The following CACNA1B variants were observed in gnomAD, a reference collection of about 807,000 sequenced individuals.
CACNA1B encodes the protein calcium voltage-gated channel subunit alpha1 B, also known as voltage-dependent N-type calcium channel subunit alpha-1B.
Under a neutral mutation model 247.2 loss-of-function variants are expected in CACNA1B, and 70 were observed. The observed-to-expected ratio is 0.28, with a 90% confidence interval of 0.23 to 0.35. The LOEUF is 0.35. Ranked by LOEUF, CACNA1B falls within the 10% of genes least tolerant of loss-of-function variation. The probability of loss-of-function intolerance (pLI) is 1.00; values close to 1 mark genes in which losing one functional copy is unlikely to be tolerated. For missense variants in CACNA1B, 2,367 were observed against 3,197.4 expected (o/e 0.74, Z 6.26); for synonymous variants, 1,231 against 1,294.4 (o/e 0.95, Z 1.05).
At position 138,007,653 on chromosome 9, in the gene CACNA1B, G is replaced by C. The variant is rs1958669797; in HGVS notation, c.2092+769G>C. On this transcript the variant is annotated intron_variant, in intron 16 of 46. Transcript: ENST00000371372. The surrounding 1 kb of genome is among the most constrained non-coding windows in gnomAD (Gnocchi z 4.1). ...CTAGCCCAGGGTGTCAGAGGCAGTGGGGCTGGGCTGGGGCCTGAGAATGTG... is the reference window on the plus strand; with the variant it reads ...CTAGCCCAGGGTGTCAGAGGCAGTGCGGCTGGGCTGGGGCCTGAGAATGTG... Among the ~76,000 whole-genome samples, 1 of 152,178 alleles carries C rather than the reference G, an allele frequency of 6.6e-6. No individual in the cohort carries two copies. The highest frequency in any genetic ancestry group is 2.4e-5 in the African/African-American group (1 of 41,440).
At chr9:138,088,156 G>A (rs1325305517) in intron 36 of CACNA1B, among the ~76,000 whole-genome samples, 1 of 152,088 alleles carries the variant, frequency 6.6e-6, no homozygotes, top group Non-Finnish European at 1.5e-5. Flanking sequence ...ATCACTTGAG[G>A]TTAGGAGTTC....
In CACNA1B at chr9:137,954,447, G is replaced by GTCTCA. The variant is rs1957920237; in HGVS notation, c.1071-1251_1071-1250insTCTCA. ...GAGGACAGAAGCTCAGGGAGGGCTG[G>GTCTCA]CCCTGCTGCCGGCCACTGCGTGAGA... On this transcript the variant is annotated intron_variant, in intron 7 of 46. Transcript: ENST00000371372. The surrounding 1 kb of genome is among the most constrained non-coding windows in gnomAD (Gnocchi z 4.1). Among the ~76,000 whole-genome samples the GTCTCA allele has an allele frequency of 6.6e-6, 1 of 152,220 alleles. No individual in the cohort carries two copies. Among genetic ancestry groups the GTCTCA allele is most frequent in the South Asian group, 2.1e-4 (1 of 4,832 alleles).
Position 138,023,175 on chromosome 9 carries a change from C to T in CACNA1B, c.2432C>T (p.Thr811Met). 1 of 1,526,792 alleles carries T rather than the reference C, an allele frequency of 6.5e-7. No individual in the cohort carries two copies. The allele number at this position is 1,526,792 out of a possible 1,614,324, so 94.6% of individuals were successfully genotyped here. ...CGCCACCTGCGGCCCGACATGAAGA[C>T]GCACCTGGACCGGCCGCTGGTGGTG... ...TTRHLRPDMK[T>M]HLDRPLVVEL... Residue 811 changes from threonine (T) to methionine (M), a missense_variant, in exon 19 of 47, where the codon ACG becomes ATG. This residue lies in a region of CACNA1B where 631 missense variants were observed against 631.1 expected (regional missense o/e 1.00). Transcript: ENST00000371372.
intron 38 of CACNA1B, among the ~76,000 whole-genome samples, chr9:138,105,130 G>A (rs1215223466): frequency 6.6e-6 from 1 of 152,256 alleles, no homozygotes; most frequent in Non-Finnish European, 1.5e-5. Context: ...GTGACATCGA[G>A]CATCTCTCCC....
intron 6 of CACNA1B, among the ~76,000 whole-genome samples, chr9:137,934,733 T>C (rs1957645647): frequency 6.6e-6 from 1 of 152,124 alleles, no homozygotes; most frequent in Non-Finnish European, 1.5e-5. Flanking sequence ...CAACAATCAC[T>C]ATAGCTCAGC....
chr9:137,912,998 G>A (rs1339509125), intron 3 of CACNA1B, among the ~76,000 whole-genome samples, 182 bp from the exon 4 acceptor site: 1 of 148,824 alleles, frequency 6.7e-6, no homozygotes, highest in Non-Finnish European at 1.5e-5. Flanking sequence ...GCCGCTCTGT[G>A]CTGGCCCTGT....
At chr9:137,979,524 G>A (rs986424749) in intron 12 of CACNA1B, among the ~76,000 whole-genome samples, 16 of 152,224 alleles carry the variant, frequency 1.1e-4, no homozygotes, top group Middle Eastern at 3.4e-3. Context: ...TGACTGGGCC[G>A]GGGAGAGGAA....
At position 138,100,469 on chromosome 9, in the gene CACNA1B, T is replaced by C. The variant is rs1203120601; in HGVS notation, c.5223-2242T>C. 6.6e-6 allele frequency among the ~76,000 whole-genome samples: 1 copy of C among 152,270 alleles called. No homozygotes were observed. The highest frequency in any genetic ancestry group is 3.4e-3 in the Middle Eastern group (1 of 294). ...TGGTGGTCCCTTGGCTGCCACAACC[T>C]TAGCAAACATCTTTGGTGAGGCCGA... On this transcript the variant is annotated intron_variant, in intron 37 of 46. Transcript: ENST00000371372. This position sits in a 1 kb window ranked among gnomAD's most constrained non-coding sequence, Gnocchi z 4.6.
intron 31 of CACNA1B, among the ~76,000 whole-genome samples, chr9:138,064,132 A>C (rs1000630192): frequency 5.9e-5 from 9 of 152,134 alleles, no homozygotes; most frequent in Non-Finnish European, 1.3e-4. Flanking sequence ...GTTCCTTGGT[A>C]TCAATGTTAT....
In CACNA1B at chr9:138,123,560, ATGTG is replaced by A. The variant is rs5901129; in HGVS notation, c.*1587_*1590del. 0.077 allele frequency: 11,367 copies of A among 148,486 alleles called. 1,180 individuals are homozygous for A. Among genetic ancestry groups the A allele is most frequent in the African/African-American group, 0.23 (9,296 of 40,878 alleles). The allele number at this position is 148,486 out of a possible 1,614,324, so 9.2% of individuals were successfully genotyped here. On this transcript the variant is annotated 3_prime_UTR_variant, in exon 47 of 47. Transcript: ENST00000371372. ...ATTCTCCTCAAAGAAATTGTGTGTG[ATGTG>A]TGTGTGTGTGTGTGTGTGTGTGTGT...
rs1020509568 is a variant in CACNA1B, at chr9:138,121,233, T to A, written c.6490-236T>A. 3.9e-5 allele frequency among the ~76,000 whole-genome samples: 6 copies of A among 152,034 alleles called. No homozygotes were observed. The highest frequency in any genetic ancestry group is 7.4e-5 in the Non-Finnish European group (5 of 67,990). On this transcript the variant is annotated intron_variant, in intron 46 of 46. Transcript: ENST00000371372. The surrounding 1 kb of genome is among the most constrained non-coding windows in gnomAD (Gnocchi z 6.8). ...TCTGTCCTTTTCCCTGGCCCCAGCC[T>A]GTCCCTTCCCATCACCTGCTCTCCC...
chr9:138,060,023 A>G (rs1411277397), intron 31 of CACNA1B, among the ~76,000 whole-genome samples: 1 of 152,232 alleles, frequency 6.6e-6, no homozygotes, highest in African/African-American at 2.4e-5. Flanking sequence ...TGTGAATCTT[A>G]AATTTGTATC....
chr9:138,030,722 T>A (rs887768534), intron 20 of CACNA1B, among the ~76,000 whole-genome samples: 2 of 152,202 alleles, frequency 1.3e-5, no homozygotes, highest in African/African-American at 4.8e-5. Flanking sequence ...TTGGAATTTT[T>A]AAATTACAAA....
In CACNA1B at chr9:137,909,077, G is replaced by A. The variant is rs544472580; in HGVS notation, c.531-4103G>A. Among the ~76,000 whole-genome samples the A allele has an allele frequency of 3.4e-5, 5 of 147,490 alleles. No individual in the cohort carries two copies. In the East Asian group the frequency reaches 8.0e-4, roughly 24 times the overall value. ...GCAATCTCGGCTCACTGCAACCTCC[G>A]CCTCCTGGGTTCCAGCGATTCTCCC... On this transcript the variant is annotated intron_variant, in intron 3 of 46. Coordinates refer to ENST00000371372, the MANE Select transcript of CACNA1B (RefSeq NM_000718.4).
Position 137,990,455 on chromosome 9 carries a change from G to T in CACNA1B, c.1974+3601G>T, listed in dbSNP as rs1472987330. Among the ~76,000 whole-genome samples the T allele has an allele frequency of 1.3e-5, 2 of 152,084 alleles. No homozygotes were observed. The highest frequency in any genetic ancestry group is 4.8e-5 in the African/African-American group (2 of 41,392). ...CTGAGAAACCTGAATACTTAATTAG[G>T]CTACCTTAGGGCAAGTTTGCATCCT... On this transcript the variant is annotated intron_variant, in intron 15 of 46. Transcript: ENST00000371372. This position sits in a 1 kb window ranked among gnomAD's most constrained non-coding sequence, Gnocchi z 4.5.
intron 39 of CACNA1B, among the ~76,000 whole-genome samples, chr9:138,106,331 C>A (rs1351046593): frequency 1.3e-5 from 2 of 152,198 alleles, no homozygotes; most frequent in African/African-American, 4.8e-5. Context: ...GCCCCACCCC[C>A]CTGCGTCTGC....
intron 18 of CACNA1B, among the ~76,000 whole-genome samples, chr9:138,019,602 G>C (rs1353479688): frequency 6.6e-6 from 1 of 152,058 alleles, no homozygotes; most frequent in Non-Finnish European, 1.5e-5. Flanking sequence ...GAAGTGGCCA[G>C]GTGTCCTGTC....
intron 36 of CACNA1B, among the ~76,000 whole-genome samples, chr9:138,079,542 A>T (rs1370437129): frequency 6.6e-6 from 1 of 152,144 alleles, no homozygotes; most frequent in Admixed American, 6.5e-5. Flanking sequence ...CAGGAGCTCA[A>T]GACCAGCCTG....
chr9:138,002,242 A>G (rs1398427604), intron 15 of CACNA1B, among the ~76,000 whole-genome samples: 1 of 152,228 alleles, frequency 6.6e-6, no homozygotes, highest in Non-Finnish European at 1.5e-5. Context: ...TATGAGAAAG[A>G]TGTCATTGGA....
Sources: gnomAD v4.1 joint callset for allele counts (sites outside exome capture counted in the v4.1 genomes callset) on GRCh38, gnomAD v4.1.1 for gene constraint, gnomAD v4.1.1 regional missense constraint, Gnocchi (gnomAD v3.1) non-coding constraint, MANE v1.5 for transcripts, NCBI Gene and HGNC (gene_info 2026-07-23, HGNC 2026-07-21) for gene names.